Variants in ADAMTS6 observed in about 807,000 individuals in gnomAD.
ADAMTS6 encodes the protein A disintegrin and metalloproteinase with thrombospondin motifs 6.
Under a neutral mutation model 144.3 loss-of-function variants are expected in ADAMTS6, and 23 were observed. The ratio of observed to expected loss-of-function variants is 0.16; its 90% CI spans 0.11 to 0.23. The LOEUF (loss-of-function observed/expected upper bound fraction) is 0.23, where lower values mean the gene tolerates loss of function less well. Ranked by LOEUF, ADAMTS6 falls within the 10% of genes least tolerant of loss-of-function variation. The pLI is 1.00. For synonymous variants in ADAMTS6, 444 were observed against 457.5 expected (o/e 0.97, Z 0.38); for missense variants, 999 against 1,379.6 (o/e 0.72, Z 4.37).
In ADAMTS6 at chr5:65,269,518, C is replaced by T. The variant is rs115364710; in HGVS notation, c.1620+3822G>A. ...TGATTCCCGTGACAATGAAAAATTG[C>T]TTTTTTACTTTGCAAAATTTCTCAT... On this transcript the variant is annotated intron_variant, in intron 12 of 24. Transcript: ENST00000381055. Among the ~76,000 whole-genome samples, 1,484 of 152,112 alleles carry T rather than the reference C, an allele frequency of 9.8e-3. 17 individuals are homozygous for T. The highest frequency in any genetic ancestry group is 0.034 in the African/African-American group (1,411 of 41,498).
chr5:65,196,537 A>AAAAAAAAAAAG, intron 21 of ADAMTS6, among the ~76,000 whole-genome samples: 1 of 149,644 alleles, frequency 6.7e-6, no homozygotes, highest in Non-Finnish European at 1.5e-5. Context: ...AAAAAAAAAA[A>AAAAAAAAAAAG]AAAAAAAAAA....
intron 15 of ADAMTS6, among the ~76,000 whole-genome samples, chr5:65,237,666 C>T (rs1758784924): frequency 6.6e-6 from 1 of 152,046 alleles, no homozygotes; most frequent in African/African-American, 2.4e-5. Context: ...TTACAAATTA[C>T]AAGAAAAATA....
chr5:65,337,893 T>C (rs1747457395), intron 7 of ADAMTS6, among the ~76,000 whole-genome samples: 1 of 152,182 alleles, frequency 6.6e-6, no homozygotes, highest in African/African-American at 2.4e-5. Flanking sequence ...GGTATACTTT[T>C]AGGACTTTTA....
chr5:65,320,918 C>G (rs560537759), intron 9 of ADAMTS6, among the ~76,000 whole-genome samples: 33 of 152,082 alleles, frequency 2.2e-4, no homozygotes, highest in Non-Finnish European at 4.0e-4. Flanking sequence ...CCATGGTGTG[C>G]ATGTACCACA....
chr5:65,376,916 T>C (rs1312895564), intron 7 of ADAMTS6, among the ~76,000 whole-genome samples: 1 of 152,146 alleles, frequency 6.6e-6, no homozygotes, highest in Admixed American at 6.6e-5. Flanking sequence ...TTCCAAGTTA[T>C]GTAAAATGTT....
chr5:65,354,730 A>G (rs1296601443), intron 7 of ADAMTS6, among the ~76,000 whole-genome samples: 1 of 150,664 alleles, frequency 6.6e-6, no homozygotes, highest in Non-Finnish European at 1.5e-5. Flanking sequence ...GAAGCAGCTA[A>G]CAATATTCTA....
Position 65,377,601 on chromosome 5 carries a change from TAA to T in ADAMTS6, c.1074-43518_1074-43517del, listed in dbSNP as rs768517004. Among the ~76,000 whole-genome samples the T allele has an allele frequency of 7.2e-5, 11 of 152,354 alleles. No homozygotes were observed. The East Asian group carries it at 1.3e-3, about 19-fold the overall frequency. On this transcript the variant is annotated intron_variant, in intron 7 of 24. Coordinates refer to ENST00000381055, the MANE Select transcript of ADAMTS6 (RefSeq NM_197941.4). ...CAAAATGTTAACACATTGTTCACTCTAATTTTGACTCTATGTACCTCATTTGT... is the reference window on the plus strand; with the variant it reads ...CAAAATGTTAACACATTGTTCACTCTTTTTGACTCTATGTACCTCATTTGT...
intron 7 of ADAMTS6, among the ~76,000 whole-genome samples, chr5:65,414,338 T>C (rs974407768): frequency 2.6e-5 from 4 of 152,210 alleles, no homozygotes; most frequent in Non-Finnish European, 5.9e-5. Flanking sequence ...TGAAGACTTC[T>C]GTGTGACATA....
intron 7 of ADAMTS6, among the ~76,000 whole-genome samples, chr5:65,381,688 T>C (rs1041704220): frequency 2.6e-5 from 4 of 151,954 alleles, no homozygotes; most frequent in African/African-American, 9.7e-5. Context: ...GCCTGGCCTC[T>C]GGATTATACC....
chr5:65,230,601 A>G lies in ADAMTS6; in HGVS notation c.1934-4382T>C, dbSNP rs184258071. On this transcript the variant is annotated intron_variant, in intron 15 of 24. Transcript: ENST00000381055. ...ATATGAAATATATAATACATGATAT[A>G]TATGAAATATATATAACACATATGT... 2.4e-4 allele frequency among the ~76,000 whole-genome samples: 23 copies of G among 95,706 alleles called. 5 individuals carry two copies. The South Asian group carries it at 5.3e-3, about 22-fold the overall frequency. 62.8% of individuals were successfully genotyped at this position (95,706 alleles called of 152,430 possible). A position where few individuals can be genotyped will look rare whatever the true frequency, so the allele number is the denominator to read the frequency against.
At chr5:65,472,984 T>G (rs1162613485) in intron 2 of ADAMTS6, among the ~76,000 whole-genome samples, 1 of 152,120 alleles carries the variant, frequency 6.6e-6, no homozygotes, top group East Asian at 1.9e-4. Context: ...GACTGGTCCA[T>G]GGAAAACAAA....
chr5:65,276,764 G>A lies in ADAMTS6; in HGVS notation c.1513-3317C>T, dbSNP rs529312038. 3.3e-5 allele frequency among the ~76,000 whole-genome samples: 5 copies of A among 152,296 alleles called. No homozygotes were observed. In the South Asian group the frequency reaches 1.0e-3, roughly 32 times the overall value. ...TGGATGCTGAAATTGTTTGCCTCTT[G>A]GGGAATTTGCATGGCAACCATCATA... On this transcript the variant is annotated intron_variant, in intron 11 of 24. Transcript: ENST00000381055.
At chr5:65,192,794 C>T (rs559576262) in intron 21 of ADAMTS6, among the ~76,000 whole-genome samples, 1 of 151,992 alleles carries the variant, frequency 6.6e-6, no homozygotes, top group African/African-American at 2.4e-5. Flanking sequence ...CCAGCAAGGA[C>T]TCCTCTGGGT....
chr5:65,352,311 A>G (rs924219944), intron 7 of ADAMTS6, among the ~76,000 whole-genome samples: 2 of 151,422 alleles, frequency 1.3e-5, no homozygotes, highest in Non-Finnish European at 3.0e-5. Flanking sequence ...TTACCCATAG[A>G]GAAGTAAATA....
rs142381887 is a variant in ADAMTS6, at chr5:65,234,135, C to T, written c.1934-7916G>A. Among the ~76,000 whole-genome samples the T allele has an allele frequency of 2.0e-3, 290 of 148,238 alleles. 2 individuals are homozygous for T. Among genetic ancestry groups the T allele is most frequent in the African/African-American group, 6.8e-3 (276 of 40,570 alleles). The stretch of plus-strand genomic sequence containing the variant: ...AGAAATTGGATACTTATACCATACA[C>T]AAAAATCAACTGAAATGGGATTAAA... On this transcript the variant is annotated intron_variant, in intron 15 of 24. Coordinates refer to ENST00000381055, the MANE Select transcript of ADAMTS6 (RefSeq NM_197941.4).
Position 65,370,283 on chromosome 5 carries a change from G to A in ADAMTS6, c.1074-36198C>T, listed in dbSNP as rs918523948. Among the ~76,000 whole-genome samples the A allele has an allele frequency of 1.1e-4, 17 of 152,240 alleles. No homozygotes were observed. In the South Asian group the frequency reaches 1.2e-3, roughly 11 times the overall value. ...ATTAGGGGGAGGAGCCAAGATGGCC[G>A]AATAGAAACAGCTCCGGTCTATAGC... On this transcript the variant is annotated intron_variant, in intron 7 of 24. Coordinates refer to ENST00000381055, the MANE Select transcript of ADAMTS6 (RefSeq NM_197941.4).
At chr5:65,306,693 A>G (rs1315358332) in intron 9 of ADAMTS6, among the ~76,000 whole-genome samples, 1 of 152,140 alleles carries the variant, frequency 6.6e-6, no homozygotes, top group Admixed American at 6.5e-5. Flanking sequence ...TCCTATCTGC[A>G]CCACATCTTC....
intron 18 of ADAMTS6, 37 bp downstream of exon 18, chr5:65,224,283 T>C (rs770984329): frequency 7.0e-6 from 11 of 1,569,734 alleles, no homozygotes; most frequent in South Asian, 1.1e-5. Flanking sequence ...TCATTTACTT[T>C]TAAAATCCAG....
intron 7 of ADAMTS6, among the ~76,000 whole-genome samples, chr5:65,444,656 C>A (rs1382316885): frequency 6.6e-6 from 1 of 152,128 alleles, no homozygotes; most frequent in African/African-American, 2.4e-5. Context: ...TGTCAGTTCG[C>A]TAGACCACAG....
Sources: gnomAD v4.1 joint callset for allele counts (sites outside exome capture counted in the v4.1 genomes callset) on GRCh38, gnomAD v4.1.1 for gene constraint, MANE v1.5 for transcripts, NCBI Gene and HGNC (gene_info 2026-07-23, HGNC 2026-07-21) for gene names.